The following NXN variants were observed in gnomAD, a reference collection of about 807,000 sequenced individuals.
NXN encodes the protein nucleoredoxin.
In NXN, 16 loss-of-function variants were observed where a neutral mutation model predicts 48.6. The ratio of observed to expected loss-of-function variants is 0.33; its 90% CI spans 0.22 to 0.50. NXN has a LOEUF of 0.50. Ranked by LOEUF, NXN falls within the 20% of genes least tolerant of loss-of-function variation. The pLI, the probability that NXN is intolerant of heterozygous loss-of-function variation, is 0.98. For missense variants in NXN, 492 were observed against 605.5 expected, an observed-to-expected ratio of 0.81 and a Z score of 1.97; for synonymous variants, 281 against 269.6, an observed-to-expected ratio of 1.04 and a Z score of -0.41.
At position 840,590 on chromosome 17, in the gene NXN, G is replaced by C. The variant is rs768275720; in HGVS notation, c.361-14512C>G. On this transcript the variant is annotated intron_variant, in intron 1 of 7. Transcript: ENST00000336868. ...TCCTGACCTCGTGATCCGCCCGCCTGGGCCTCCCAAAGTGCTGGGATTACA... is the reference window on the plus strand; with the variant it reads ...TCCTGACCTCGTGATCCGCCCGCCTCGGCCTCCCAAAGTGCTGGGATTACA... Among the ~76,000 whole-genome samples, 10 of 152,182 alleles carry C rather than the reference G, an allele frequency of 6.6e-5. No homozygotes were observed. The South Asian group carries it at 8.3e-4, about 13-fold the overall frequency.
intron 1 of NXN, among the ~76,000 whole-genome samples, chr17:857,733 A>T (rs1445358182): frequency 1.3e-5 from 2 of 152,204 alleles, no homozygotes; most frequent in Non-Finnish European, 2.9e-5. Flanking sequence ...AAAATAGGGC[A>T]GGGGGCAAGC....
chr17:881,454 C>T (rs978205759), intron 1 of NXN, among the ~76,000 whole-genome samples: 2 of 152,164 alleles, frequency 1.3e-5, no homozygotes, highest in Admixed American at 6.5e-5. Flanking sequence ...CTCAAACTCC[C>T]GGGCTCAAGA....
chr17:950,888 G>A (rs1029105398), intron 1 of NXN, among the ~76,000 whole-genome samples: 2 of 151,958 alleles, frequency 1.3e-5, no homozygotes, highest in Non-Finnish European at 1.5e-5. Flanking sequence ...AGACACCTCC[G>A]TAAGAAAGAC....
At chr17:888,214 T>C (rs1409955436) in intron 1 of NXN, among the ~76,000 whole-genome samples, 1 of 152,222 alleles carries the variant, frequency 6.6e-6, no homozygotes, top group East Asian at 1.9e-4. Flanking sequence ...AGATTAGTTT[T>C]AATTTATAAT....
At chr17:913,538 A>C (rs1048371998) in intron 1 of NXN, among the ~76,000 whole-genome samples, 9 of 152,304 alleles carry the variant, frequency 5.9e-5, no homozygotes, top group Middle Eastern at 6.8e-3. Context: ...TCAGTTTCCC[A>C]GAGACATCGT....
chr17:858,621 G>A (rs932373309), intron 1 of NXN, among the ~76,000 whole-genome samples: 1 of 152,008 alleles, frequency 6.6e-6, no homozygotes, highest in African/African-American at 2.4e-5. Context: ...CCAGCTGCTG[G>A]GGAGGCTGAG....
Position 920,128 on chromosome 17 carries a change from G to C in NXN, c.360+59191C>G, listed in dbSNP as rs2068731118. On this transcript the variant is annotated intron_variant, in intron 1 of 7. Coordinates refer to ENST00000336868, the MANE Select transcript of NXN (RefSeq NM_022463.5). The surrounding 1 kb of genome is among the most constrained non-coding windows in gnomAD (Gnocchi z 4.6). ...TTGCCCAGGCTGGTCTTGAACTCCT[G>C]GGCTCAAGCGATCAGCCCATCTCAG... Among the ~76,000 whole-genome samples the C allele has an allele frequency of 6.6e-6, 1 of 152,054 alleles. No homozygotes were observed. Among genetic ancestry groups the C allele is most frequent in the East Asian group, 1.9e-4 (1 of 5,166 alleles).
rs1241523052 is a variant in NXN at position 805,237 on chromosome 17, C to T, written c.831G>A (p.Thr277=). Residue 277 remains threonine, a synonymous_variant, in exon 6 of 8, where the codon ACG becomes ACA. Transcript: ENST00000336868. ...CGCCCTGCGGGTCCAGCATGATGAGCGTGGGGATGCCTGCAGGGAAGAGGG... is the reference window on the plus strand; with the variant it reads ...CGCCCTGCGGGTCCAGCATGATGAGTGTGGGGATGCCTGCAGGGAAGAGGG... ...NRLYGIQGIP[T]LIMLDPQGEV... 6.2e-7 allele frequency: 1 copy of T among 1,610,058 alleles called. No homozygotes were observed. Among genetic ancestry groups the T allele is most frequent in the African/African-American group, 1.3e-5 (1 of 74,988 alleles).
At chr17:868,047 T>C (rs1331086075) in intron 1 of NXN, among the ~76,000 whole-genome samples, 1 of 152,040 alleles carries the variant, frequency 6.6e-6, no homozygotes, top group Non-Finnish European at 1.5e-5. Flanking sequence ...AGCAGGGACA[T>C]GTGTTGTGCT....
intron 1 of NXN, among the ~76,000 whole-genome samples, chr17:832,607 T>C (rs1015434883): frequency 2.6e-5 from 4 of 152,128 alleles, no homozygotes; most frequent in African/African-American, 9.7e-5. Flanking sequence ...ACCAGTTTCT[T>C]CTGAAACTCT....
intron 1 of NXN, among the ~76,000 whole-genome samples, chr17:876,700 C>A (rs2068219794): frequency 6.6e-6 from 1 of 152,158 alleles, no homozygotes; most frequent in African/African-American, 2.4e-5. Context: ...ACGGGAAACT[C>A]CTTGTGGTTC....
chr17:805,702 G>A (rs901096183), intron 5 of NXN, among the ~76,000 whole-genome samples: 2 of 152,116 alleles, frequency 1.3e-5, no homozygotes, highest in Non-Finnish European at 2.9e-5. Flanking sequence ...GCTGGGCGTG[G>A]TGGCGGGCGC....
intron 4 of NXN, among the ~76,000 whole-genome samples, chr17:821,879 C>A (rs1912838411): frequency 1.3e-5 from 2 of 151,846 alleles, no homozygotes; most frequent in Non-Finnish European, 2.9e-5. Flanking sequence ...AAAAGCTGAG[C>A]AAATCAGAAA....
chr17:853,561 C>A (rs1461528673), intron 1 of NXN, among the ~76,000 whole-genome samples: 1 of 151,850 alleles, frequency 6.6e-6, no homozygotes, highest in Non-Finnish European at 1.5e-5. Context: ...CCTCACCCTG[C>A]AGATATGAGG....
chr17:859,236 G>C (rs948996391), intron 1 of NXN, among the ~76,000 whole-genome samples: 1 of 152,174 alleles, frequency 6.6e-6, no homozygotes, highest in Non-Finnish European at 1.5e-5. Context: ...CCCTCCCTGA[G>C]ATGTGTTTAT....
intron 1 of NXN, among the ~76,000 whole-genome samples, chr17:828,080 A>C (rs1245377173): frequency 6.6e-6 from 1 of 152,126 alleles, no homozygotes; most frequent in Non-Finnish European, 1.5e-5. Context: ...CACAACAAGA[A>C]CAATCCTGCA....
At chr17:979,109 G>GGC (rs2069500195) in intron 1 of NXN, among the ~76,000 whole-genome samples, 1 of 9,672 alleles carries the variant, frequency 1.0e-4, no homozygotes, top group African/African-American at 2.6e-4. Flanking sequence ...CAGCGCGGAA[G>GGC]GGGGGGGGGC....
At chr17:819,620 G>A (rs1313090465) in intron 4 of NXN, 75 bp from the exon 5 acceptor site, 27 of 1,068,620 alleles carry the variant, frequency 2.5e-5, no homozygotes, top group Non-Finnish European at 3.3e-5. Context: ...CACCTCTGCC[G>A]AGTTCTGCCC....
rs146664303 is a variant in NXN, at chr17:851,538, C to T, written c.361-25460G>A. On this transcript the variant is annotated intron_variant, in intron 1 of 7. Coordinates refer to ENST00000336868, the MANE Select transcript of NXN (RefSeq NM_022463.5). ...CTTCACCTCTTTGAGAAGCTACTTC[C>T]GCTGCACACTGGGAGAAACCAGTGC... Among the ~76,000 whole-genome samples, 287 of 152,306 alleles carry T rather than the reference C, an allele frequency of 1.9e-3. 2 individuals are homozygous for T. The highest frequency in any genetic ancestry group is 6.3e-3 in the African/African-American group (263 of 41,574).
Sources: allele counts gnomAD v4.1 joint callset (sites outside exome capture counted in the v4.1 genomes callset), GRCh38; gene constraint gnomAD v4.1.1; non-coding constraint Gnocchi (gnomAD v3.1); transcripts MANE v1.5; gene names NCBI Gene and HGNC (gene_info 2026-07-23, HGNC 2026-07-21).